Variants in SULT4A1 observed in about 807,000 individuals in gnomAD.
The protein encoded by SULT4A1 is sulfotransferase family 4A member 1.
SULT4A1 carries 11 observed loss-of-function variants against 35.2 expected under a neutral mutation model. The ratio of observed to expected loss-of-function variants is 0.31; its 90% confidence interval spans 0.20 to 0.52. The LOEUF is 0.52. Ranked by LOEUF, SULT4A1 falls within the 20% of genes least tolerant of loss-of-function variation. The pLI is 0.97. For synonymous variants in SULT4A1, 152 were observed against 151.8 expected, an observed-to-expected ratio of 1.00 and a Z score of -0.01; for missense variants, 271 against 383.7, an observed-to-expected ratio of 0.71 and a Z score of 2.45.
At chr22:43,845,561 C>T (rs1045654880) in intron 1 of SULT4A1, among the ~76,000 whole-genome samples, 2 of 152,142 alleles carry the variant, frequency 1.3e-5, no homozygotes, top group Non-Finnish European at 2.9e-5. Context: ...TGTGACACTG[C>T]GTCCTCACAC....
chr22:43,852,660 C>T (rs1444376610), intron 1 of SULT4A1, among the ~76,000 whole-genome samples: 1 of 152,030 alleles, frequency 6.6e-6, no homozygotes, highest in Non-Finnish European at 1.5e-5. Flanking sequence ...CAGTCCTTGT[C>T]CCTGTGCTTC....
intron 2 of SULT4A1, among the ~76,000 whole-genome samples, chr22:43,840,966 TC>T (rs1488360593): frequency 1.3e-5 from 2 of 151,970 alleles, no homozygotes; most frequent in Non-Finnish European, 2.9e-5. Context: ...CCTGATCTGC[TC>T]CCCTCCCAGC....
At chr22:43,854,453 G>T (rs1239178869) in intron 1 of SULT4A1, among the ~76,000 whole-genome samples, 2 of 152,172 alleles carry the variant, frequency 1.3e-5, no homozygotes, top group South Asian at 4.2e-4. Context: ...AGACCAGCTG[G>T]GAAAGAATCA....
intron 2 of SULT4A1, among the ~76,000 whole-genome samples, chr22:43,841,385 C>T (rs2148290236): frequency 6.6e-6 from 1 of 152,238 alleles, no homozygotes; most frequent in Non-Finnish European, 1.5e-5. Flanking sequence ...GTGGGGGTGC[C>T]TGTGGGTGTG....
intron 1 of SULT4A1, among the ~76,000 whole-genome samples, chr22:43,843,411 G>C (rs909125610): frequency 3.3e-5 from 5 of 152,188 alleles, no homozygotes; most frequent in African/African-American, 1.2e-4. Flanking sequence ...AACAGAGTGA[G>C]AATCTATCTC....
chr22:43,833,560 A>G, intron 5 of SULT4A1, 80 bp downstream of exon 5: 1 of 779,884 alleles, frequency 1.3e-6, no homozygotes, highest in Non-Finnish European at 1.7e-6. Context: ...CCACACGCCC[A>G]CTGTAAAGGG....
At chr22:43,844,713 C>G (rs1027074405) in intron 1 of SULT4A1, among the ~76,000 whole-genome samples, 1 of 152,226 alleles carries the variant, frequency 6.6e-6, no homozygotes, top group African/African-American at 2.4e-5. Flanking sequence ...CTCCCAGCCT[C>G]AGCCTAGGCA....
chr22:43,853,152 CA>C (rs1350443950), intron 1 of SULT4A1, among the ~76,000 whole-genome samples: 1 of 151,884 alleles, frequency 6.6e-6, no homozygotes, highest in African/African-American at 2.4e-5. Flanking sequence ...ACTCCACACA[CA>C]AACACACAAC....
chr22:43,844,249 C>T (rs1280265923), intron 1 of SULT4A1, among the ~76,000 whole-genome samples: 1 of 152,216 alleles, frequency 6.6e-6, no homozygotes, highest in African/African-American at 2.4e-5. Context: ...GCCTGGTCAG[C>T]ATAACCTCCT....
At chr22:43,831,888 G>A (rs1334397260) in intron 5 of SULT4A1, among the ~76,000 whole-genome samples, 1 of 150,134 alleles carries the variant, frequency 6.7e-6, no homozygotes, top group East Asian at 1.9e-4. Flanking sequence ...TGTGTGCCAA[G>A]TACACCTCAC....
At chr22:43,843,166 G>A (rs2063447664) in intron 1 of SULT4A1, among the ~76,000 whole-genome samples, 1 of 152,140 alleles carries the variant, frequency 6.6e-6, no homozygotes, top group African/African-American at 2.4e-5. Context: ...TATAATCCCA[G>A]CACTATGGGA....
At chr22:43,855,549 G>A (rs1432905879) in intron 1 of SULT4A1, among the ~76,000 whole-genome samples, 2 of 152,160 alleles carry the variant, frequency 1.3e-5, no homozygotes, top group Non-Finnish European at 2.9e-5. Flanking sequence ...GAAAATGCCA[G>A]CAAGTCTCCA....
chr22:43,850,417 T>G (rs1310599699), intron 1 of SULT4A1, among the ~76,000 whole-genome samples: 1 of 152,222 alleles, frequency 6.6e-6, no homozygotes, highest in African/African-American at 2.4e-5. Flanking sequence ...AGTGATTACA[T>G]TTCCTCTTCT....
intron 4 of SULT4A1, 54 bp from the exon 5 acceptor site, chr22:43,833,788 C>A: frequency 6.9e-7 from 1 of 1,454,396 alleles, no homozygotes; most frequent in Non-Finnish European, 9.4e-7. Context: ...GAAGCGCACA[C>A]ATGGGGCCAT....
At chr22:43,850,738 T>A (rs552343664) in intron 1 of SULT4A1, among the ~76,000 whole-genome samples, 1 of 152,158 alleles carries the variant, frequency 6.6e-6, no homozygotes, top group Non-Finnish European at 1.5e-5. Context: ...CCTGGGCATG[T>A]GAGACTGAGG....
intron 2 of SULT4A1, 104 bp downstream of exon 2, chr22:43,841,697 CT>C (rs1167602916): frequency 6.7e-7 from 1 of 1,500,378 alleles, no homozygotes; most frequent in African/African-American, 1.4e-5. Context: ...GCTATCTGCT[CT>C]CCCCTAATCC....
intron 1 of SULT4A1, among the ~76,000 whole-genome samples, chr22:43,844,865 C>T (rs1039652884): frequency 6.6e-6 from 1 of 152,236 alleles, no homozygotes; most frequent in Non-Finnish European, 1.5e-5. Flanking sequence ...ACCGGCTCCA[C>T]ACCTGGTGCA....
chr22:43,841,958 G>A (rs2063433840), intron 1 of SULT4A1, 26 bp from the exon 2 acceptor site: 1 of 1,604,042 alleles, frequency 6.2e-7, no homozygotes, highest in Non-Finnish European at 8.5e-7. Flanking sequence ...CCCAGCGCGG[G>A]GTGCTCAGAG....
intron 1 of SULT4A1, 80 bp downstream of exon 1, chr22:43,862,134 C>G (rs181826322): frequency 0.2 from 237,846 of 1,181,470 alleles, 25,548 homozygotes; most frequent in African/African-American, 0.32. Flanking sequence ...GCAGAAGCCC[C>G]GGGCGCGGGC....
Sources: gnomAD v4.1 joint callset for allele counts (sites outside exome capture counted in the v4.1 genomes callset) on GRCh38, gnomAD v4.1.1 for gene constraint, MANE v1.5 for transcripts, NCBI Gene and HGNC (gene_info 2026-07-23, HGNC 2026-07-21) for gene names.